The following SDK1 variants were observed in gnomAD, a reference collection of about 807,000 sequenced individuals.
SDK1 encodes sidekick cell adhesion molecule 1.
A neutral mutation model predicts 245.5 loss-of-function variants in SDK1; 157 were observed. The observed-to-expected ratio is 0.64, with a 90% CI of 0.56 to 0.73. The LOEUF (loss-of-function observed/expected upper bound fraction) is 0.73, where lower values mean the gene tolerates loss of function less well. Ranked by LOEUF, SDK1 falls within the 30% of genes least tolerant of loss-of-function variation. The pLI, the probability that SDK1 is intolerant of heterozygous loss-of-function variation, is 0.00. For missense variants in SDK1, 3,583 were observed against 3,002.3 expected, an observed-to-expected ratio of 1.19 and a Z score of -4.52; for synonymous variants, 1,647 against 1,278.5, an observed-to-expected ratio of 1.29 and a Z score of -6.15.
At chr7:3,674,975 AAT>A (rs1783845879) in intron 4 of SDK1, among the ~76,000 whole-genome samples, 1 of 152,184 alleles carries the variant, frequency 6.6e-6, no homozygotes, top group Non-Finnish European at 1.5e-5. Flanking sequence ...CCTGAGGAAC[AAT>A]AGTCTTCTTG....
rs190911291 is a variant in SDK1, at chr7:3,577,192, C to A, written c.299-41888C>A. ...TGGAATCGCAGACCTACTGCAAGAC[C>A]CCCATAGCCCACCTTTTTATTCCCT... is the stretch of plus-strand genomic sequence containing the variant. On this transcript the variant is annotated intron_variant, in intron 1 of 44. Transcript: ENST00000404826. Among the ~76,000 whole-genome samples the A allele has an allele frequency of 2.5e-3, 373 of 152,160 alleles. 3 individuals carry two copies. Among genetic ancestry groups the A allele is most frequent in the Non-Finnish European group, 3.1e-3 (213 of 67,958 alleles).
intron 4 of SDK1, among the ~76,000 whole-genome samples, chr7:3,673,416 T>G (rs537213057): frequency 3.4e-4 from 52 of 152,352 alleles, no homozygotes; most frequent in African/African-American, 1.3e-3. Context: ...GACTGGCTCT[T>G]CCTTTTAGTA....
Position 3,729,383 on chromosome 7 carries a change from C to T in SDK1, c.713+87278C>T, listed in dbSNP as rs532629821. ...CTACACAGTAGCCTAGACTATTGGTCGAGGGGGAGGATTTATCCCTTAGGA... is the reference window on the plus strand; with the variant it reads ...CTACACAGTAGCCTAGACTATTGGTTGAGGGGGAGGATTTATCCCTTAGGA... On this transcript the variant is annotated intron_variant, in intron 4 of 44. Transcript: ENST00000404826. Among the ~76,000 whole-genome samples the T allele has an allele frequency of 4.6e-5, 7 of 152,204 alleles. No homozygotes were observed. In the South Asian group the frequency reaches 1.0e-3, roughly 23 times the overall value.
At chr7:3,455,919 A>C (rs114063566) in intron 1 of SDK1, among the ~76,000 whole-genome samples, 1 of 152,210 alleles carries the variant, frequency 6.6e-6, no homozygotes, top group Non-Finnish European at 1.5e-5. Context: ...TTGACATTCT[A>C]TGCTTAGTCA....
At chr7:3,670,296 C>T (rs953916138) in intron 4 of SDK1, among the ~76,000 whole-genome samples, 1 of 152,162 alleles carries the variant, frequency 6.6e-6, no homozygotes, top group Non-Finnish European at 1.5e-5. Flanking sequence ...AGTTCCTTCC[C>T]TTATCTACCT....
intron 1 of SDK1, among the ~76,000 whole-genome samples, chr7:3,585,555 G>C (rs960018543): frequency 6.6e-5 from 10 of 152,186 alleles, no homozygotes; most frequent in Non-Finnish European, 2.9e-5. Flanking sequence ...AGCTGCAAGA[G>C]CCCTGAAGAG....
At chr7:3,333,371 G>A (rs536821731) in intron 1 of SDK1, among the ~76,000 whole-genome samples, 1 of 152,254 alleles carries the variant, frequency 6.6e-6, no homozygotes, top group East Asian at 1.9e-4. Flanking sequence ...CTGCAGAGGT[G>A]TTCGTTACAT....
intron 4 of SDK1, among the ~76,000 whole-genome samples, chr7:3,653,373 A>G (rs535500228): frequency 1.3e-5 from 2 of 152,272 alleles, no homozygotes; most frequent in African/African-American, 4.8e-5. Context: ...ATCTAGACTT[A>G]GAATGGCACT....
At chr7:4,017,395 G>A (rs754811646) in intron 17 of SDK1, 43 bp downstream of exon 17, 65 of 1,549,882 alleles carry the variant, frequency 4.2e-5, no homozygotes, top group East Asian at 6.8e-5. Flanking sequence ...GATCTTTGCC[G>A]GGGAATGGGA....
At position 4,267,826 on chromosome 7, in the gene SDK1, T is replaced by A. The variant is rs966877085; in HGVS notation, c.*2442T>A. On this transcript the variant is annotated 3_prime_UTR_variant, in exon 45 of 45. Coordinates refer to ENST00000404826, the MANE Select transcript of SDK1 (RefSeq NM_152744.4). Reference sequence around the variant, plus strand: ...CGGCCTGTCCGAGGCTACGCCGGCCTCCTGGCTGCTGCTGGACTGTGCTTA... The same window carrying A: ...CGGCCTGTCCGAGGCTACGCCGGCCACCTGGCTGCTGCTGGACTGTGCTTA... 9 of 985,538 alleles carry A rather than the reference T, an allele frequency of 9.1e-6. No homozygotes were observed. In the African/African-American group the frequency reaches 1.4e-4, roughly 15 times the overall value. 61.0% of individuals were successfully genotyped at this position (985,538 alleles called of 1,614,324 possible).
intron 1 of SDK1, among the ~76,000 whole-genome samples, chr7:3,536,767 C>G (rs1023787831): frequency 6.6e-6 from 1 of 151,666 alleles, no homozygotes; most frequent in Non-Finnish European, 1.5e-5. Flanking sequence ...CAAATGTTAA[C>G]AATACTTGTA....
intron 5 of SDK1, among the ~76,000 whole-genome samples, chr7:3,944,468 ATAG>A (rs1033012508): frequency 1.2e-4 from 19 of 152,248 alleles, no homozygotes; most frequent in Admixed American, 7.8e-4. Context: ...GTAGAAGGTA[ATAG>A]TAGCGGTGGC....
chr7:3,719,942 A>G (rs1583339373), intron 4 of SDK1, among the ~76,000 whole-genome samples: 1 of 151,710 alleles, frequency 6.6e-6, no homozygotes, highest in Non-Finnish European at 1.5e-5. Flanking sequence ...GTGCCACTGC[A>G]CCCCAGTCTG....
intron 4 of SDK1, among the ~76,000 whole-genome samples, chr7:3,679,041 A>G (rs1394199330): frequency 6.6e-6 from 1 of 152,254 alleles, no homozygotes; most frequent in African/African-American, 2.4e-5. Flanking sequence ...CCTACGGATT[A>G]GTGAACAATT....
chr7:3,704,206 G>T (rs1057076642), intron 4 of SDK1, among the ~76,000 whole-genome samples: 1 of 151,942 alleles, frequency 6.6e-6, no homozygotes, highest in Non-Finnish European at 1.5e-5. Flanking sequence ...TCAAGTTTCC[G>T]CCAAAGACGT....
At chr7:3,458,286 T>A (rs947867740) in intron 1 of SDK1, among the ~76,000 whole-genome samples, 15 of 152,136 alleles carry the variant, frequency 9.9e-5, no homozygotes, top group African/African-American at 3.4e-4. Context: ...CCCTGTTGTC[T>A]CTCTTTTCTC....
chr7:4,125,511 A>G (rs1385443819), intron 25 of SDK1, among the ~76,000 whole-genome samples: 1 of 151,662 alleles, frequency 6.6e-6, no homozygotes, highest in Non-Finnish European at 1.5e-5. Context: ...GGATGGATGG[A>G]TGGAGATGGA....
At chr7:3,580,007 C>T (rs888214133) in intron 1 of SDK1, among the ~76,000 whole-genome samples, 1 of 152,150 alleles carries the variant, frequency 6.6e-6, no homozygotes, top group Admixed American at 6.5e-5. Context: ...AACATCCAAG[C>T]TGAGAGCCAA....
intron 17 of SDK1, among the ~76,000 whole-genome samples, chr7:4,045,039 C>A (rs1340531105): frequency 6.6e-6 from 1 of 152,114 alleles, no homozygotes; most frequent in Non-Finnish European, 1.5e-5. Flanking sequence ...GTCTTCAGAA[C>A]CTGGCTTCCT....
Sources: allele counts gnomAD v4.1 joint callset (sites outside exome capture counted in the v4.1 genomes callset), GRCh38; gene constraint gnomAD v4.1.1; transcripts MANE v1.5; gene names NCBI Gene and HGNC (gene_info 2026-07-23, HGNC 2026-07-21).